The following C8orf88 variants were observed in gnomAD, a reference collection of about 807,000 sequenced individuals.
C8orf88 encodes the protein uncharacterized protein C8orf88.
A neutral mutation model predicts 18.4 loss-of-function variants in C8orf88; 14 were observed. That is an observed-to-expected ratio of 0.76 (90% CI 0.50 to 1.19). C8orf88 has a LOEUF of 1.19. Among genes scored for constraint, C8orf88 ranks in the 50% most tolerant of loss-of-function variants. C8orf88 has a pLI of 0.00. For synonymous variants in C8orf88, 45 were observed against 42.9 expected (o/e 1.05, Z -0.19); for missense variants, 116 against 134.7 (o/e 0.86, Z 0.69).
intron 1 of C8orf88, among the ~76,000 whole-genome samples, chr8:90,982,302 A>T (rs1416625818): frequency 6.6e-6 from 1 of 152,174 alleles, no homozygotes; most frequent in African/African-American, 2.4e-5. Flanking sequence ...AGAAGAGTAT[A>T]TTTAAAATAA....
At chr8:90,975,025 T>A (rs1194267249) in intron 3 of C8orf88, among the ~76,000 whole-genome samples, 1 of 152,162 alleles carries the variant, frequency 6.6e-6, no homozygotes, top group African/African-American at 2.4e-5. Context: ...TCTGAAACAC[T>A]TATAAATTTT....
chr8:90,970,016 T>A (rs947937332), intron 4 of C8orf88, among the ~76,000 whole-genome samples: 5 of 151,712 alleles, frequency 3.3e-5, no homozygotes, highest in Admixed American at 6.6e-5. Flanking sequence ...TGTGACAGAG[T>A]TGTTGGAGCA....
At chr8:90,979,896 G>A (rs1811407976) in intron 2 of C8orf88, among the ~76,000 whole-genome samples, 1 of 152,112 alleles carries the variant, frequency 6.6e-6, no homozygotes, top group Admixed American at 6.5e-5. Flanking sequence ...TTCAAACACA[G>A]CCATAACCTC....
intron 3 of C8orf88, among the ~76,000 whole-genome samples, chr8:90,971,743 GGCTAA>G (rs1479715157): frequency 8.7e-6 from 1 of 115,316 alleles, no homozygotes; most frequent in African/African-American, 2.6e-5. Context: ...TGATAAGATT[GGCTAA>G]GCTAATCTGA....
intron 3 of C8orf88, among the ~76,000 whole-genome samples, chr8:90,974,183 A>C (rs753905109): frequency 2.6e-5 from 4 of 152,114 alleles, no homozygotes; most frequent in South Asian, 2.1e-4. Context: ...CCTTCACTTA[A>C]ATCTTGGCAA....
At chr8:90,972,655 A>G (rs951059029) in intron 3 of C8orf88, among the ~76,000 whole-genome samples, 3 of 152,128 alleles carry the variant, frequency 2.0e-5, no homozygotes, top group Non-Finnish European at 2.9e-5. Flanking sequence ...TTTAATTATA[A>G]TCCTATAAGG....
chr8:90,970,701 G>A (rs1160145941), intron 4 of C8orf88, among the ~76,000 whole-genome samples: 1 of 152,024 alleles, frequency 6.6e-6, no homozygotes, highest in African/African-American at 2.4e-5. Flanking sequence ...GGAACATGAT[G>A]GCAGGAGCAG....
chr8:90,962,532 A>G (rs1380412670), intron 4 of C8orf88, among the ~76,000 whole-genome samples: 2 of 150,866 alleles, frequency 1.3e-5, no homozygotes, highest in East Asian at 3.9e-4. Context: ...CTTAGTGAAG[A>G]AAAAAAAATA....
At chr8:90,979,191 C>T (rs980721521) in intron 2 of C8orf88, among the ~76,000 whole-genome samples, 2 of 152,114 alleles carry the variant, frequency 1.3e-5, no homozygotes, top group African/African-American at 4.8e-5. Context: ...AAATAAGATA[C>T]CAGGGCTACC....
intron 5 of C8orf88, among the ~76,000 whole-genome samples, chr8:90,959,871 G>A (rs959023603): frequency 6.6e-6 from 1 of 151,312 alleles, no homozygotes; most frequent in African/African-American, 2.4e-5. Flanking sequence ...TTAAATTCCA[G>A]TCAAATGTAA....
intron 3 of C8orf88, among the ~76,000 whole-genome samples, chr8:90,976,004 C>T (rs555949010): frequency 7.5e-4 from 113 of 150,776 alleles, no homozygotes; most frequent in African/African-American, 2.7e-3. Context: ...CAAAAGAACC[C>T]AGCACCAAGG....
chr8:90,976,047 T>TC (rs1811345007), intron 3 of C8orf88, among the ~76,000 whole-genome samples: 1 of 151,944 alleles, frequency 6.6e-6, no homozygotes, highest in African/African-American at 2.4e-5. Context: ...TATATGAAAC[T>TC]CTAGAACAGT....
intron 3 of C8orf88, 37 bp from the exon 4 acceptor site, chr8:90,971,178 G>A (rs1811278421): frequency 9.6e-6 from 12 of 1,253,874 alleles, no homozygotes; most frequent in Non-Finnish European, 1.3e-5. Flanking sequence ...TTTAACTCAG[G>A]TTTTAAAATT....
At chr8:90,977,194 A>G (rs879813020) in intron 3 of C8orf88, among the ~76,000 whole-genome samples, 3 of 152,198 alleles carry the variant, frequency 2.0e-5, no homozygotes, top group Non-Finnish European at 4.4e-5. Flanking sequence ...GCTCTACTTC[A>G]CAAGTAATAG....
intron 1 of C8orf88, among the ~76,000 whole-genome samples, chr8:90,981,018 T>C (rs1403615055): frequency 6.6e-6 from 1 of 152,200 alleles, no homozygotes; most frequent in African/African-American, 2.4e-5. Flanking sequence ...CTAAAACTCA[T>C]CTATGCTCAC....
chr8:90,981,385 A>T (rs1811433688), intron 1 of C8orf88, among the ~76,000 whole-genome samples: 1 of 152,158 alleles, frequency 6.6e-6, no homozygotes, highest in Non-Finnish European at 1.5e-5. Flanking sequence ...TGTTTTGTCT[A>T]TAGTTCCCTT....
chr8:90,968,638 G>A (rs1219126022), intron 4 of C8orf88, among the ~76,000 whole-genome samples: 11 of 61,660 alleles, frequency 1.8e-4, no homozygotes, highest in Non-Finnish European at 3.6e-4. Flanking sequence ...ACAATCTCCA[G>A]TAGAGAATGA....
chr8:90,967,192 C>T (rs1235230985), intron 4 of C8orf88, among the ~76,000 whole-genome samples: 25 of 151,780 alleles, frequency 1.6e-4, no homozygotes, highest in Admixed American at 1.6e-3. Flanking sequence ...GTGTTTTCCC[C>T]TGAATCCTGT....
At chr8:90,978,491 A>C (rs1405008739) in intron 3 of C8orf88, 88 bp downstream of exon 3, 8 of 657,118 alleles carry the variant, frequency 1.2e-5, no homozygotes, top group Non-Finnish European at 1.9e-5. Flanking sequence ...AAAGTATATA[A>C]GCATAGTATC....
Sources: gnomAD v4.1 joint callset for allele counts (sites outside exome capture counted in the v4.1 genomes callset) on GRCh38, gnomAD v4.1.1 for gene constraint, MANE v1.5 for transcripts, NCBI Gene and HGNC (gene_info 2026-07-23, HGNC 2026-07-21) for gene names.